Variants in POLR2B observed in about 807,000 individuals in gnomAD.
POLR2B encodes RNA polymerase II subunit B.
A neutral mutation model predicts 144.6 loss-of-function variants in POLR2B; 57 were observed. The ratio of observed to expected loss-of-function variants is 0.39; its 90% confidence interval spans 0.32 to 0.49. The LOEUF is 0.49. Among genes scored for constraint, POLR2B ranks in the 20% least tolerant of loss-of-function variants. The probability of loss-of-function intolerance (pLI) is 0.83; values close to 1 mark genes in which losing one functional copy is unlikely to be tolerated. For synonymous variants in POLR2B, 442 were observed against 469.8 expected, an observed-to-expected ratio of 0.94 and a Z score of 0.77; for missense variants, 595 against 1,467.4, an observed-to-expected ratio of 0.41 and a Z score of 9.71.
chr4:56,984,864 T>C (rs923579476), intron 1 of POLR2B, among the ~76,000 whole-genome samples: 6 of 147,644 alleles, frequency 4.1e-5, no homozygotes, highest in African/African-American at 1.5e-4. Flanking sequence ...CAGTGCACAC[T>C]GATTTTTTTT....
rs147195352 is a variant in POLR2B, at chr4:57,030,934, A to G, written c.3471A>G (p.Leu1157=). The stretch of plus-strand genomic sequence containing the variant: ...TGCGAATGCCTTACGCATGCAAACT[A>G]TTGTTTCAGGAACTTATGTCTATGA... ...SLVRMPYACK[L]LFQELMSMSI... The change falls in exon 25 of 25, where the codon CTA becomes CTG. Residue 1157 remains leucine (L), a synonymous_variant. Coordinates refer to ENST00000314595, the MANE Select transcript of POLR2B (RefSeq NM_000938.3). The G allele has an allele frequency of 2.1e-4, 336 of 1,610,362 alleles. No homozygotes were observed. Among genetic ancestry groups the G allele is most frequent in the Non-Finnish European group, 2.7e-4 (313 of 1,176,728 alleles).
At chr4:56,998,052 A>G (rs1486538024) in intron 6 of POLR2B, among the ~76,000 whole-genome samples, 3 of 152,200 alleles carry the variant, frequency 2.0e-5, no homozygotes, top group Non-Finnish European at 4.4e-5. Flanking sequence ...GGATTTGATG[A>G]TAGGTTTGAT....
In POLR2B at chr4:56,999,688, C is replaced by G; in HGVS notation, c.807C>G (p.Ile269Met). 6.2e-7 allele frequency: 1 copy of G among 1,610,502 alleles called. No individual in the cohort carries two copies. Among genetic ancestry groups the G allele is most frequent in the Non-Finnish European group, 8.5e-7 (1 of 1,176,824 alleles). The change falls in exon 7 of 25, where the codon ATC becomes ATG. Residue 269 changes from isoleucine to methionine, a missense_variant. Around this residue, in one of 9 missense-constraint regions of POLR2B, gnomAD observed 251 missense variants for 567.3 expected, o/e 0.44. Coordinates refer to ENST00000314595, the MANE Select transcript of POLR2B (RefSeq NM_000938.3). ...TLPYIKQEVPIIIVFRALGFV... is the reference protein window; with the variant it reads ...TLPYIKQEVPMIIVFRALGFV... ...CATATATCAAGCAAGAAGTTCCCATCATTATTGTGTTCAGAGCATTAGGTT... is the reference window on the plus strand; with the variant it reads ...CATATATCAAGCAAGAAGTTCCCATGATTATTGTGTTCAGAGCATTAGGTT...
At chr4:57,012,829 T>TGG (rs1723237110) in intron 13 of POLR2B, among the ~76,000 whole-genome samples, 1 of 151,956 alleles carries the variant, frequency 6.6e-6, no homozygotes, top group African/African-American at 2.4e-5. Flanking sequence ...CATGCCCGGC[T>TGG]AATTTTTGTA....
At position 57,023,800 on chromosome 4, in the gene POLR2B, T is replaced by C; in HGVS notation, c.2856+49T>C. ...TGCCCAAACCAGTTTTGTTAAATAT[T>C]TTTTTTTTAATCAAAATTTGCTTTA... On this transcript the variant is annotated intron_variant, in intron 20 of 24. Transcript: ENST00000314595. The surrounding 1 kb of genome is among the most constrained non-coding windows in gnomAD (Gnocchi z 4.3). 1 of 1,281,812 alleles carries C rather than the reference T, an allele frequency of 7.8e-7. No homozygotes were observed. Among genetic ancestry groups the C allele is most frequent in the Non-Finnish European group, 1.1e-6 (1 of 912,102 alleles). The allele number at this position is 1,281,812 out of a possible 1,614,324, so 79.4% of individuals were successfully genotyped here.
At chr4:56,992,396 C>T (rs915875783) in intron 3 of POLR2B, among the ~76,000 whole-genome samples, 11 of 116,030 alleles carry the variant, frequency 9.5e-5, no homozygotes, top group Admixed American at 3.8e-4. Flanking sequence ...ACGTGGGAGA[C>T]GGAGGTTGCA....
chr4:57,029,228 C>T (rs1182437043), intron 23 of POLR2B, among the ~76,000 whole-genome samples: 1 of 152,112 alleles, frequency 6.6e-6, no homozygotes, highest in Non-Finnish European at 1.5e-5. Flanking sequence ...TTACTAAAGA[C>T]CTTAATTAAA....
chr4:56,999,290 AG>A (rs2109670844), intron 6 of POLR2B, among the ~76,000 whole-genome samples: 1 of 131,034 alleles, frequency 7.6e-6, no homozygotes, highest in Admixed American at 8.1e-5. Context: ...TAGGTTGGGG[AG>A]GGTGAGGAAT....
At chr4:56,988,547 A>G (rs866350091) in intron 2 of POLR2B, among the ~76,000 whole-genome samples, 70 of 152,240 alleles carry the variant, frequency 4.6e-4, no homozygotes, top group African/African-American at 1.5e-3. Context: ...GCAAAAAGTC[A>G]GCTTTTCATT....
chr4:56,994,900 G>T, intron 5 of POLR2B, 34 bp downstream of exon 5: 1 of 1,184,796 alleles, frequency 8.4e-7, no homozygotes, highest in Non-Finnish European at 1.2e-6. Context: ...ATTACAAAAT[G>T]GTAGTTAAAA....
Position 57,005,591 on chromosome 4 carries a change from T to TTTG in POLR2B, c.1098-7_1098-6insGTT. 1 of 1,563,484 alleles carries TTTG rather than the reference T, an allele frequency of 6.4e-7. No homozygotes were observed. Among genetic ancestry groups the TTTG allele is most frequent in the Non-Finnish European group, 8.6e-7 (1 of 1,163,700 alleles). On this transcript the variant is annotated splice_polypyrimidine_tract_variant and intron_variant, in intron 8 of 24. Transcript: ENST00000314595. ...CCCTCTTTCTTTCTTTCTTTTTTTTTTTTTAAAGATACATGGTTCATAGGT... is the reference window on the plus strand; with the variant it reads ...CCCTCTTTCTTTCTTTCTTTTTTTTTTTGTTTTAAAGATACATGGTTCATAGGT...
intron 1 of POLR2B, among the ~76,000 whole-genome samples, chr4:56,980,324 C>T (rs532558404): frequency 5.4e-4 from 82 of 152,112 alleles, no homozygotes; most frequent in African/African-American, 1.8e-3. Context: ...TCTTTTTTAA[C>T]TACTATCTCA....
intron 3 of POLR2B, 26 bp downstream of exon 3, chr4:56,990,924 G>T (rs771936474): frequency 6.3e-7 from 1 of 1,581,472 alleles, no homozygotes; most frequent in South Asian, 1.2e-5. Context: ...TAGTTACACA[G>T]GTACAAGAAG....
intron 23 of POLR2B, among the ~76,000 whole-genome samples, chr4:57,029,007 T>C (rs755190142): frequency 5.3e-5 from 8 of 152,248 alleles, no homozygotes; most frequent in Non-Finnish European, 1.0e-4. Context: ...CAACCTGGAC[T>C]GTTTGTCCAG....
In POLR2B at chr4:57,023,846, T is replaced by C; in HGVS notation, c.2856+95T>C. On this transcript the variant is annotated intron_variant, in intron 20 of 24. Coordinates refer to ENST00000314595, the MANE Select transcript of POLR2B (RefSeq NM_000938.3). The surrounding 1 kb of genome is among the most constrained non-coding windows in gnomAD (Gnocchi z 4.3). ...CTTTAACTTAAGAGCTCAAAGATGA[T>C]ACAGGTTGAACTTTTTGATTTTATT... The C allele has an allele frequency of 1.1e-6, 1 of 894,808 alleles. No individual in the cohort carries two copies. Among genetic ancestry groups the C allele is most frequent in the Non-Finnish European group, 1.7e-6 (1 of 572,810 alleles). The allele number at this position is 894,808 out of a possible 1,614,324, so 55.4% of individuals were successfully genotyped here.
chr4:56,985,348 G>A (rs544049179), intron 1 of POLR2B: 91 of 985,410 alleles, frequency 9.2e-5, no homozygotes, highest in East Asian at 1.1e-4. Context: ...CCCGGTAGCC[G>A]CGAGGGACCG....
At chr4:57,013,888 G>A (rs889110240) in intron 13 of POLR2B, among the ~76,000 whole-genome samples, 1 of 150,236 alleles carries the variant, frequency 6.7e-6, no homozygotes, top group African/African-American at 2.5e-5. Flanking sequence ...TGGGAGGATC[G>A]CTTAAAGCTA....
Position 57,017,417 on chromosome 4 carries a change from G to GA in POLR2B, c.2155-142dup, listed in dbSNP as rs1325366412. 1 of 786,836 alleles carries GA rather than the reference G, an allele frequency of 1.3e-6. No individual in the cohort carries two copies. Among genetic ancestry groups the GA allele is most frequent in the African/African-American group, 1.7e-5 (1 of 57,588 alleles). The allele number at this position is 786,836 out of a possible 1,614,324, so 48.7% of individuals were successfully genotyped here. On this transcript the variant is annotated intron_variant, in intron 15 of 24. Transcript: ENST00000314595. The surrounding 1 kb of genome is among the most constrained non-coding windows in gnomAD (Gnocchi z 4.8). The stretch of plus-strand genomic sequence containing the variant: ...TGTTTCATGGTTAAGAGCCGTAATT[G>GA]ATTATTCCAAATGGTTATTACTTAC...
intron 9 of POLR2B, among the ~76,000 whole-genome samples, chr4:57,006,550 C>T (rs1723024248): frequency 6.6e-6 from 1 of 152,182 alleles, no homozygotes; most frequent in South Asian, 2.1e-4. Context: ...GGTGATCTGC[C>T]CACATCAGCT....
Sources: gnomAD v4.1 joint callset for allele counts (sites outside exome capture counted in the v4.1 genomes callset) on GRCh38, gnomAD v4.1.1 for gene constraint, gnomAD v4.1.1 regional missense constraint, Gnocchi (gnomAD v3.1) non-coding constraint, MANE v1.5 for transcripts, NCBI Gene and HGNC (gene_info 2026-07-23, HGNC 2026-07-21) for gene names.